Variants in CADM2 observed in about 807,000 individuals in gnomAD.
The protein encoded by CADM2 is immunoglobulin superfamily member 4D.
In CADM2, 12 loss-of-function variants were observed where a neutral mutation model predicts 49.8. The observed-to-expected ratio is 0.24, with a 90% CI of 0.15 to 0.39. The LOEUF (loss-of-function observed/expected upper bound fraction) is 0.39, where lower values mean the gene tolerates loss of function less well. Ranked by LOEUF, CADM2 falls within the 10% of genes least tolerant of loss-of-function variation. CADM2 has a pLI of 1.00. For synonymous variants in CADM2, 214 were observed against 175.4 expected (o/e 1.22, Z -1.74); for missense variants, 378 against 492.3 (o/e 0.77, Z 2.20).
chr3:85,064,122 T>G (rs2036435776), intron 1 of CADM2, among the ~76,000 whole-genome samples: 1 of 152,064 alleles, frequency 6.6e-6, no homozygotes, highest in Non-Finnish European at 1.5e-5. Context: ...ATTCTCAGAG[T>G]TTCCCGCCTT....
intron 8 of CADM2, among the ~76,000 whole-genome samples, chr3:85,999,476 G>A (rs1224978426): frequency 6.6e-6 from 1 of 150,854 alleles, no homozygotes; most frequent in African/African-American, 2.4e-5. Context: ...CTGCACTCCA[G>A]CCTGAGTGAC....
At chr3:85,898,955 A>ATTTTTTTTTTTTT (rs35857247) in intron 5 of CADM2, among the ~76,000 whole-genome samples, 4 of 33,916 alleles carry the variant, frequency 1.2e-4, no homozygotes, top group Admixed American at 5.3e-4. Flanking sequence ...ATATATATAT[A>ATTTTTTTTTTTTT]TTTTTTTTTT....
At chr3:85,970,329 C>T (rs920215090) in intron 8 of CADM2, among the ~76,000 whole-genome samples, 3 of 151,270 alleles carry the variant, frequency 2.0e-5, no homozygotes, top group Admixed American at 6.6e-5. Flanking sequence ...CCTGGCTGCT[C>T]GTGAGAGCTC....
At chr3:85,390,767 C>T (rs990781710) in intron 1 of CADM2, among the ~76,000 whole-genome samples, 1 of 152,048 alleles carries the variant, frequency 6.6e-6, no homozygotes, top group Non-Finnish European at 1.5e-5. Flanking sequence ...CAAGTCTCAA[C>T]TAGCTTCAAA....
At chr3:85,746,443 T>G (rs958415927) in intron 2 of CADM2, among the ~76,000 whole-genome samples, 8 of 152,162 alleles carry the variant, frequency 5.3e-5, no homozygotes, top group Admixed American at 1.3e-4. Context: ...ACATCGATAT[T>G]CTAAGCACAA....
intron 8 of CADM2, among the ~76,000 whole-genome samples, chr3:86,005,555 TAA>T (rs1553721577): frequency 5.4e-5 from 5 of 91,762 alleles, no homozygotes; most frequent in Admixed American, 1.2e-4. Flanking sequence ...CCGTCTCATA[TAA>T]AAAAAAAAAA....
chr3:85,338,599 T>C (rs1262615596), intron 1 of CADM2, among the ~76,000 whole-genome samples: 1 of 151,768 alleles, frequency 6.6e-6, no homozygotes, highest in East Asian at 1.9e-4. Context: ...GGAGTATTTT[T>C]CTTATACAGA....
intron 1 of CADM2, among the ~76,000 whole-genome samples, chr3:85,414,419 C>A (rs1229424485): frequency 6.6e-6 from 1 of 152,036 alleles, no homozygotes; most frequent in African/African-American, 2.4e-5. Context: ...ATGGTCATAG[C>A]AAGTATGTAG....
intron 1 of CADM2, among the ~76,000 whole-genome samples, chr3:85,627,310 T>G (rs181523432): frequency 6.6e-6 from 1 of 152,044 alleles, no homozygotes; most frequent in South Asian, 2.1e-4. Flanking sequence ...GAGATGCACA[T>G]TAAGACCACT....
intron 1 of CADM2, among the ~76,000 whole-genome samples, chr3:85,162,652 A>G (rs2040361746): frequency 1.3e-5 from 2 of 152,128 alleles, no homozygotes; most frequent in South Asian, 2.1e-4. Context: ...TTTCAATGAC[A>G]TCTATACACT....
At chr3:85,606,617 G>C (rs2063545688) in intron 1 of CADM2, among the ~76,000 whole-genome samples, 1 of 152,150 alleles carries the variant, frequency 6.6e-6, no homozygotes, top group Non-Finnish European at 1.5e-5. Context: ...CAGGCAATCA[G>C]AGAATCAGGA....
chr3:85,325,169 A>G (rs1444480766), intron 1 of CADM2, among the ~76,000 whole-genome samples: 12 of 152,218 alleles, frequency 7.9e-5, no homozygotes, highest in Admixed American at 6.5e-4. Flanking sequence ...CTTACGTTGA[A>G]GAAGTTTTGT....
intron 1 of CADM2, among the ~76,000 whole-genome samples, chr3:85,384,385 T>C (rs1382430115): frequency 6.6e-6 from 1 of 152,090 alleles, no homozygotes; most frequent in Non-Finnish European, 1.5e-5. Flanking sequence ...GGTACCGTCT[T>C]GCTGCAACCT....
At chr3:85,523,266 G>A (rs1472132527) in intron 1 of CADM2, among the ~76,000 whole-genome samples, 2 of 152,062 alleles carry the variant, frequency 1.3e-5, no homozygotes, top group African/African-American at 4.8e-5. Context: ...TCTAATCAGA[G>A]ATAAAGGAAG....
intron 1 of CADM2, among the ~76,000 whole-genome samples, chr3:84,970,812 C>G (rs2031379827): frequency 6.6e-6 from 1 of 151,994 alleles, no homozygotes. Flanking sequence ...AATAAACCTT[C>G]TCTAACATGG....
chr3:85,383,885 C>A (rs963763067), intron 1 of CADM2, among the ~76,000 whole-genome samples: 3 of 152,010 alleles, frequency 2.0e-5, no homozygotes, highest in Non-Finnish European at 2.9e-5. Context: ...CACTATTTAT[C>A]ATTTCTTCTT....
intron 1 of CADM2, among the ~76,000 whole-genome samples, chr3:85,223,796 CCT>C: frequency 6.6e-6 from 1 of 152,142 alleles, no homozygotes. Flanking sequence ...TTTTCTCCTC[CCT>C]GTGTCCATGT....
chr3:85,534,543 T>C (rs2061385570), intron 1 of CADM2, among the ~76,000 whole-genome samples: 1 of 152,180 alleles, frequency 6.6e-6, no homozygotes, highest in African/African-American at 2.4e-5. Context: ...ACAGTCACAC[T>C]CTTCTGTTCA....
At chr3:85,032,365 A>G (rs1034256238) in intron 1 of CADM2, among the ~76,000 whole-genome samples, 2 of 152,158 alleles carry the variant, frequency 1.3e-5, no homozygotes, top group African/African-American at 4.8e-5. Flanking sequence ...TCTTTCTTCA[A>G]TGCTGTTATT....
Sources: allele counts gnomAD v4.1 joint callset (sites outside exome capture counted in the v4.1 genomes callset), GRCh38; gene constraint gnomAD v4.1.1; transcripts MANE v1.5; gene names NCBI Gene and HGNC (gene_info 2026-07-23, HGNC 2026-07-21).